MTHFD1L: variants seen among roughly 807,000 people sequenced by gnomAD.
MTHFD1L encodes methylenetetrahydrofolate dehydrogenase (NADP+ dependent) 1 like.
Under a neutral mutation model 119.5 loss-of-function variants are expected in MTHFD1L, and 81 were observed. The observed-to-expected ratio is 0.68, with a 90% CI of 0.57 to 0.82. The LOEUF (loss-of-function observed/expected upper bound fraction) is 0.82. Among genes scored for constraint, MTHFD1L ranks in the 40% least tolerant of loss-of-function variants. The pLI is 0.00. For missense variants in MTHFD1L, 1,125 were observed against 1,253.4 expected (o/e 0.90, Z 1.55); for synonymous variants, 430 against 475.2 (o/e 0.90, Z 1.24).
chr6:151,000,277 CAGTGAGCCG>C (rs1262432989), intron 20 of MTHFD1L, among the ~76,000 whole-genome samples: 4 of 149,186 alleles, frequency 2.7e-5, no homozygotes, highest in Non-Finnish European at 5.9e-5. Context: ...GTGGAGGTTG[CAGTGAGCCG>C]AGATCGTGCC....
At chr6:151,093,877 T>C (rs2128657594) in intron 27 of MTHFD1L, among the ~76,000 whole-genome samples, 1 of 152,250 alleles carries the variant, frequency 6.6e-6, no homozygotes, top group South Asian at 2.1e-4. Context: ...ACTTGATGAC[T>C]TCGGGTTTGC....
intron 10 of MTHFD1L, among the ~76,000 whole-genome samples, chr6:150,925,629 C>T (rs1789819222): frequency 6.6e-6 from 1 of 152,132 alleles, no homozygotes; most frequent in African/African-American, 2.4e-5. Context: ...AACGAAATAG[C>T]ATTTCCACAT....
intron 1 of MTHFD1L, among the ~76,000 whole-genome samples, chr6:150,874,077 A>G (rs1779994414): frequency 6.6e-6 from 1 of 152,204 alleles, no homozygotes; most frequent in Non-Finnish European, 1.5e-5. Flanking sequence ...AGAACCCAGC[A>G]TAGCCAAATT....
At chr6:151,046,501 A>ATATATC (rs1562591393) in intron 26 of MTHFD1L, among the ~76,000 whole-genome samples, 1 of 133,780 alleles carries the variant, frequency 7.5e-6, no homozygotes, top group Non-Finnish European at 1.6e-5. Context: ...ATATATATAT[A>ATATATC]TATATATATA....
At chr6:151,060,862 T>C (rs533432098) in intron 26 of MTHFD1L, among the ~76,000 whole-genome samples, 106 of 152,198 alleles carry the variant, frequency 7.0e-4, no homozygotes, top group African/African-American at 2.0e-3. Context: ...TTCAGAGAGA[T>C]CACTCAGGCA....
At chr6:150,899,546 A>G (rs1465072591) in intron 7 of MTHFD1L, among the ~76,000 whole-genome samples, 1 of 152,224 alleles carries the variant, frequency 6.6e-6, no homozygotes, top group African/African-American at 2.4e-5. Context: ...CTATTATTTT[A>G]ACATTCCTAT....
intron 20 of MTHFD1L, among the ~76,000 whole-genome samples, chr6:150,988,239 G>A (rs1219859875): frequency 6.6e-6 from 1 of 152,118 alleles, no homozygotes; most frequent in South Asian, 2.1e-4. Flanking sequence ...AGCTTTTTGA[G>A]AATTTTTAAA....
intron 26 of MTHFD1L, among the ~76,000 whole-genome samples, chr6:151,081,736 C>T (rs1793205063): frequency 6.6e-6 from 1 of 152,130 alleles, no homozygotes; most frequent in African/African-American, 2.4e-5. Flanking sequence ...CAGGAGCTTT[C>T]CCAGGGTCGG....
intron 20 of MTHFD1L, among the ~76,000 whole-genome samples, chr6:150,999,669 T>C (rs1176570218): frequency 6.6e-6 from 1 of 152,232 alleles, no homozygotes; most frequent in Non-Finnish European, 1.5e-5. Flanking sequence ...ATAATATTCA[T>C]CGAAACATTT....
intron 24 of MTHFD1L, chr6:151,016,691 T>C (rs1783113419): frequency 4.2e-6 from 1 of 238,854 alleles, no homozygotes; most frequent in African/African-American, 2.4e-5. Context: ...TGTATGTGTG[T>C]GTATATATAC....
chr6:150,885,812 G>A, intron 6 of MTHFD1L, 78 bp downstream of exon 6: 1 of 1,181,396 alleles, frequency 8.5e-7, no homozygotes, highest in Admixed American at 2.4e-5. Context: ...TTTGTTTGGG[G>A]AAGAATTAAA....
At chr6:151,046,324 G>A in intron 26 of MTHFD1L, among the ~76,000 whole-genome samples, 1 of 151,420 alleles carries the variant, frequency 6.6e-6, no homozygotes. Flanking sequence ...GGGAAAAAAA[G>A]AAAAGATAAA....
chr6:150,882,562 T>C (rs957677618), intron 4 of MTHFD1L, among the ~76,000 whole-genome samples, 200 bp from the exon 5 acceptor site: 4 of 152,218 alleles, frequency 2.6e-5, no homozygotes, highest in Admixed American at 6.5e-5. Context: ...TTTAATTTTT[T>C]TTTTGAGCCT....
intron 21 of MTHFD1L, 137 bp from the exon 22 acceptor site, chr6:151,013,642 C>A: frequency 1.3e-6 from 1 of 795,278 alleles, no homozygotes; most frequent in Non-Finnish European, 2.1e-6. Context: ...GCCAGTGCTG[C>A]CAGCTACTGT....
intron 11 of MTHFD1L, among the ~76,000 whole-genome samples, chr6:150,931,685 G>A (rs1791067944): frequency 6.6e-6 from 1 of 152,168 alleles, no homozygotes; most frequent in African/African-American, 2.4e-5. Context: ...TAATGGCAGT[G>A]GTGCTATTCA....
intron 22 of MTHFD1L, among the ~76,000 whole-genome samples, chr6:151,014,539 T>A (rs888534501): frequency 1.3e-5 from 2 of 152,194 alleles, no homozygotes; most frequent in African/African-American, 4.8e-5. Context: ...GCGCCAGGGA[T>A]CTGAGCCAGG....
chr6:151,076,896 T>C (rs761321668), intron 26 of MTHFD1L, among the ~76,000 whole-genome samples: 3 of 152,210 alleles, frequency 2.0e-5, no homozygotes, highest in Non-Finnish European at 1.5e-5. Flanking sequence ...TCGTAGCAGC[T>C]TTTTTGTAAT....
At chr6:150,879,028 A>G (rs1472607450) in intron 4 of MTHFD1L, among the ~76,000 whole-genome samples, 1 of 152,184 alleles carries the variant, frequency 6.6e-6, no homozygotes, top group Non-Finnish European at 1.5e-5. Flanking sequence ...TGCCTGGCCA[A>G]CTGCAAAGGA....
At chr6:150,930,979 G>A (rs1050625255) in intron 11 of MTHFD1L, among the ~76,000 whole-genome samples, 1 of 152,094 alleles carries the variant, frequency 6.6e-6, no homozygotes, top group African/African-American at 2.4e-5. Flanking sequence ...GAAAAGTATT[G>A]GGAATTGTTC....
Sources: gnomAD v4.1 joint callset for allele counts (sites outside exome capture counted in the v4.1 genomes callset) on GRCh38, gnomAD v4.1.1 for gene constraint, MANE v1.5 for transcripts, NCBI Gene and HGNC (gene_info 2026-07-23, HGNC 2026-07-21) for gene names.